The following CFAP184 variants were observed in gnomAD, a reference collection of about 807,000 sequenced individuals.
CFAP184 encodes the protein cilia and flagella associated protein 184.
the CFAP184 span, chr4:7,042,633 C>G: frequency 6.7e-7 from 1 of 1,489,454 alleles, no homozygotes; most frequent in South Asian, 1.3e-5. Flanking sequence ...CAGCCCCAAC[C>G]TCGGCCGGCT....
At chr4:7,042,225 C>T in the CFAP184 span, 4 of 1,598,420 alleles carry the variant, frequency 2.5e-6, no homozygotes, top group Non-Finnish European at 2.6e-6. Flanking sequence ...AGCGGTTCCG[C>T]TCCACCAGCA....
chr4:7,042,217 C>T, the CFAP184 span: 2 of 1,596,384 alleles, frequency 1.3e-6, no homozygotes, highest in Admixed American at 1.7e-5. Flanking sequence ...GCGCTGGGAG[C>T]GGTTCCGCTC....
chr4:7,042,227 C>A, the CFAP184 span: 17 of 1,598,160 alleles, frequency 1.1e-5, no homozygotes, highest in Non-Finnish European at 1.4e-5. Flanking sequence ...CGGTTCCGCT[C>A]CACCAGCAGG....
chr4:7,041,850 C>G, the CFAP184 span: 1 of 1,610,090 alleles, frequency 6.2e-7, no homozygotes, highest in East Asian at 2.2e-5. Context: ...TATCCTCCAA[C>G]GCCTGGATCT....
chr4:7,042,078 A>C, the CFAP184 span: 1 of 1,609,618 alleles, frequency 6.2e-7, no homozygotes, highest in Non-Finnish European at 8.5e-7. Flanking sequence ...GCATGCCCAG[A>C]TGGCGCAGGT....
the CFAP184 span, chr4:7,041,640 G>A: frequency 6.2e-7 from 1 of 1,614,216 alleles, no homozygotes; most frequent in South Asian, 1.1e-5. Flanking sequence ...TCACCTTGCT[G>A]CGAAGTTTTA....
At chr4:7,042,514 G>A in the CFAP184 span, 101 of 1,605,308 alleles carry the variant, frequency 6.3e-5, 1 homozygote, top group Middle Eastern at 6.6e-4. Context: ...CGGCAGAGAG[G>A]CCTGGAACCT....
the CFAP184 span, chr4:7,042,705 A>C: frequency 1.3e-6 from 2 of 1,511,338 alleles, no homozygotes; most frequent in Non-Finnish European, 1.8e-6. Context: ...CCTCGCCCGC[A>C]GCCTCGGCTG....
chr4:7,042,742 T>G, the CFAP184 span: 1 of 1,524,866 alleles, frequency 6.6e-7, no homozygotes, highest in Non-Finnish European at 8.8e-7. Flanking sequence ...GGCCTCGGCC[T>G]GCTCGTCCGC....
the CFAP184 span, chr4:7,041,165 C>A: frequency 3.4e-6 from 5 of 1,465,690 alleles, no homozygotes; most frequent in African/African-American, 1.4e-5. Context: ...AAAATAGAGT[C>A]CCGTCCCAAA....
chr4:7,041,005 C>A, the CFAP184 span: 3 of 396,272 alleles, frequency 7.6e-6, no homozygotes, highest in African/African-American at 2.0e-5. Context: ...AGACTTGAGA[C>A]TTTTGACAGT....
At chr4:7,041,524 G>A in the CFAP184 span, 5 of 1,613,866 alleles carry the variant, frequency 3.1e-6, no homozygotes, top group East Asian at 8.9e-5. Context: ...TCTTCCTAGG[G>A]CGGCCTGGGC....
At chr4:7,042,921 C>G in the CFAP184 span, 1 of 1,505,896 alleles carries the variant, frequency 6.6e-7, no homozygotes, top group Non-Finnish European at 8.9e-7. Context: ...CCTTAGTGTG[C>G]TCAGAGCTGA....
the CFAP184 span, chr4:7,041,848 A>G: frequency 8.1e-6 from 13 of 1,609,854 alleles, no homozygotes; most frequent in Admixed American, 2.0e-4. Flanking sequence ...TTTATCCTCC[A>G]ACGCCTGGAT....
the CFAP184 span, chr4:7,042,025 T>TA: frequency 6.2e-7 from 1 of 1,611,854 alleles, no homozygotes; most frequent in Non-Finnish European, 8.5e-7. Flanking sequence ...CTCCTGGTGG[T>TA]ACCACTGCAG....
At chr4:7,041,961 C>G in the CFAP184 span, 1 of 1,612,644 alleles carries the variant, frequency 6.2e-7, no homozygotes, top group African/African-American at 1.3e-5. Flanking sequence ...AGCGTCGCCA[C>G]TCCTTCTCCA....
At chr4:7,042,786 C>A in the CFAP184 span, 1 of 1,550,162 alleles carries the variant, frequency 6.5e-7, no homozygotes, top group Non-Finnish European at 8.7e-7. Context: ...CTTGCTCCTC[C>A]TCCTCCTCCT....
chr4:7,041,206 TA>T, the CFAP184 span: 1 of 1,503,560 alleles, frequency 6.7e-7, no homozygotes, highest in East Asian at 2.3e-5. Flanking sequence ...GCAACGAAGG[TA>T]AAATAAAGCA....
At chr4:7,042,519 G>A in the CFAP184 span, 1 of 1,604,686 alleles carries the variant, frequency 6.2e-7, no homozygotes, top group South Asian at 1.1e-5. Flanking sequence ...GAGAGGCCTG[G>A]AACCTGACTT....
Sources: gnomAD v4.1 joint callset for allele counts on GRCh38, gnomAD v4.1.1 for gene constraint, MANE v1.5 for transcripts, NCBI Gene and HGNC (gene_info 2026-07-23, HGNC 2026-07-21) for gene names.